VPS13B: variants seen among roughly 807,000 people sequenced by gnomAD.
The protein encoded by VPS13B is intermembrane lipid transfer protein VPS13B.
A neutral mutation model predicts 426.4 loss-of-function variants in VPS13B; 285 were observed. The observed-to-expected ratio is 0.67, with a 90% CI of 0.61 to 0.74. The LOEUF (loss-of-function observed/expected upper bound fraction) is 0.74, where lower values mean the gene tolerates loss of function less well. Among genes scored for constraint, VPS13B ranks in the 30% least tolerant of loss-of-function variants. The pLI, the probability that VPS13B is intolerant of heterozygous loss-of-function variation, is 0.00. For missense variants in VPS13B, 4,537 were observed against 4,782.6 expected, an observed-to-expected ratio of 0.95 and a Z score of 1.51; for synonymous variants, 1,676 against 1,676.4, an observed-to-expected ratio of 1.00 and a Z score of 0.01.
intron 3 of VPS13B, among the ~76,000 whole-genome samples, chr8:99,082,289 G>T (rs1404454507): frequency 1.3e-5 from 2 of 152,092 alleles, no homozygotes; most frequent in Non-Finnish European, 2.9e-5. Context: ...CATATCCTTT[G>T]CCCACTTTTT....
intron 14 of VPS13B, among the ~76,000 whole-genome samples, chr8:99,149,120 A>G (rs1810914721): frequency 6.6e-6 from 1 of 152,236 alleles, no homozygotes; most frequent in Non-Finnish European, 1.5e-5. Flanking sequence ...GGATGCTGGT[A>G]CAGACTAGAC....
intron 3 of VPS13B, among the ~76,000 whole-genome samples, chr8:99,057,667 C>T (rs370855218): frequency 5.9e-5 from 9 of 152,112 alleles, no homozygotes; most frequent in African/African-American, 2.2e-4. Context: ...GGGCCTTCAC[C>T]TATATGTCCC....
chr8:99,032,540 T>G (rs1842556002), intron 2 of VPS13B, among the ~76,000 whole-genome samples: 1 of 149,954 alleles, frequency 6.7e-6, no homozygotes, highest in Non-Finnish European at 1.5e-5. Context: ...TTCTTTTTTT[T>G]TTTTTTTGAG....
At chr8:99,200,450 A>G (rs1195212450) in intron 17 of VPS13B, among the ~76,000 whole-genome samples, 1 of 151,984 alleles carries the variant, frequency 6.6e-6, no homozygotes, top group Non-Finnish European at 1.5e-5. Flanking sequence ...TCATATGGTA[A>G]TTTTATTTGT....
chr8:99,280,155 G>A (rs560844531), intron 19 of VPS13B, among the ~76,000 whole-genome samples: 1 of 152,090 alleles, frequency 6.6e-6, no homozygotes, highest in South Asian at 2.1e-4. Flanking sequence ...GGCCTTTTTT[G>A]ATGTTCTCTG....
chr8:99,448,212 A>T (rs1818024025), intron 23 of VPS13B, among the ~76,000 whole-genome samples: 1 of 151,296 alleles, frequency 6.6e-6, no homozygotes. Context: ...AAAAAAAATC[A>T]CATACCAGAT....
At chr8:99,818,373 T>G (rs1814165931) in intron 45 of VPS13B, 78 bp from the exon 46 acceptor site, 1 of 1,358,830 alleles carries the variant, frequency 7.4e-7, no homozygotes, top group Non-Finnish European at 1.1e-6. Flanking sequence ...TCTTCCAAAC[T>G]GATGTATCTG....
chr8:99,754,218 G>A (rs1444284555), intron 39 of VPS13B, among the ~76,000 whole-genome samples: 1 of 150,922 alleles, frequency 6.6e-6, no homozygotes, highest in Non-Finnish European at 1.5e-5. Flanking sequence ...AAACTTTTGA[G>A]ATTGCAAGCA....
intron 17 of VPS13B, among the ~76,000 whole-genome samples, chr8:99,239,661 G>A (rs1211945005): frequency 6.7e-6 from 1 of 149,488 alleles, no homozygotes; most frequent in African/African-American, 2.5e-5. Flanking sequence ...GATAAAGAGA[G>A]GTTCTGAGGT....
At chr8:99,723,129 T>G (rs1833197788) in intron 39 of VPS13B, among the ~76,000 whole-genome samples, 1 of 152,240 alleles carries the variant, frequency 6.6e-6, no homozygotes, top group Non-Finnish European at 1.5e-5. Flanking sequence ...GCTCTAGCAC[T>G]TGCAAACATT....
intron 19 of VPS13B, among the ~76,000 whole-genome samples, chr8:99,294,541 AAAAAT>A (rs200324556): frequency 0.019 from 2,844 of 151,956 alleles, 68 homozygotes; most frequent in African/African-American, 0.056. Context: ...AAAGTATAAT[AAAAAT>A]AAAATAAAAT....
intron 17 of VPS13B, among the ~76,000 whole-genome samples, chr8:99,266,977 C>T (rs570016539): frequency 1.3e-5 from 2 of 152,128 alleles, no homozygotes; most frequent in East Asian, 1.9e-4. Context: ...TATAAGGATA[C>T]CTGAAAATTT....
At chr8:99,634,712 C>T (rs1175337893) in intron 33 of VPS13B, among the ~76,000 whole-genome samples, 1 of 151,820 alleles carries the variant, frequency 6.6e-6, no homozygotes, top group Non-Finnish European at 1.5e-5. Flanking sequence ...AGTGCTTGTT[C>T]AAGTTTGTTT....
intron 35 of VPS13B, among the ~76,000 whole-genome samples, chr8:99,678,238 T>G (rs980035671): frequency 1.3e-5 from 2 of 152,230 alleles, no homozygotes; most frequent in Non-Finnish European, 2.9e-5. Context: ...ACTACCATCT[T>G]CAGGCCATTC....
intron 43 of VPS13B, 139 bp downstream of exon 43, chr8:99,784,615 CAA>C: frequency 8.4e-7 from 1 of 1,185,976 alleles, no homozygotes; most frequent in African/African-American, 1.5e-5. Flanking sequence ...GACGGAAACC[CAA>C]GAGTGTTTAG....
intron 23 of VPS13B, among the ~76,000 whole-genome samples, chr8:99,454,216 A>G (rs745690866): frequency 6.6e-6 from 1 of 152,006 alleles, no homozygotes; most frequent in African/African-American, 2.4e-5. Flanking sequence ...ACAGGGTCTC[A>G]TTCTGTCACC....
chr8:99,587,690 TG>T (rs59495025), intron 33 of VPS13B, among the ~76,000 whole-genome samples: 3,176 of 151,888 alleles, frequency 0.021, 202 homozygotes, highest in African/African-American at 0.073. Context: ...CTTGTAAATT[TG>T]TTTAAGTTCT....
At chr8:99,083,832 T>C (rs1845619193) in intron 3 of VPS13B, among the ~76,000 whole-genome samples, 1 of 135,550 alleles carries the variant, frequency 7.4e-6, no homozygotes, top group African/African-American at 2.8e-5. Flanking sequence ...GGATAAGCTT[T>C]TTGATGTGCT....
chr8:99,556,121 T>TA (rs35091326), intron 30 of VPS13B, among the ~76,000 whole-genome samples: 1 of 152,242 alleles, frequency 6.6e-6, no homozygotes, highest in Non-Finnish European at 1.5e-5. Context: ...TTCTCATTGG[T>TA]AAAAATGGAC....
Sources: allele counts gnomAD v4.1 joint callset (sites outside exome capture counted in the v4.1 genomes callset), GRCh38; gene constraint gnomAD v4.1.1; transcripts MANE v1.5; gene names NCBI Gene and HGNC (gene_info 2026-07-23, HGNC 2026-07-21).